Variants in SARDH observed in about 807,000 individuals in gnomAD.
The protein encoded by SARDH is sarcosine dehydrogenase.
SARDH carries 95 observed loss-of-function variants against 109.1 expected under a neutral mutation model. That is an observed-to-expected ratio of 0.87 (90% CI 0.74 to 1.03). SARDH has a LOEUF of 1.03. SARDH is among the 50% of genes least tolerant of loss of function. SARDH has a pLI of 0.00. For synonymous variants in SARDH, 572 were observed against 534.8 expected, an observed-to-expected ratio of 1.07 and a Z score of -0.96; for missense variants, 1,267 against 1,287.8, an observed-to-expected ratio of 0.98 and a Z score of 0.25.
intron 17 of SARDH, among the ~76,000 whole-genome samples, chr9:133,681,637 G>A (rs1013903732): frequency 6.6e-6 from 1 of 152,194 alleles, no homozygotes; most frequent in Non-Finnish European, 1.5e-5. Flanking sequence ...AGAGTCTCTC[G>A]AGCGCTAGTG....
chr9:133,669,504 CCT>C (rs1830259531), intron 19 of SARDH, among the ~76,000 whole-genome samples: 1 of 151,534 alleles, frequency 6.6e-6, no homozygotes, highest in Non-Finnish European at 1.5e-5. Flanking sequence ...CACGGGAGGG[CCT>C]CTGATCAGGG....
At chr9:133,698,902 T>C (rs1057452573) in intron 13 of SARDH, among the ~76,000 whole-genome samples, 9 of 151,950 alleles carry the variant, frequency 5.9e-5, no homozygotes, top group African/African-American at 2.2e-4. Context: ...AACAAAAACA[T>C]AGAGATGAAT....
chr9:133,678,123 G>A (rs34478209), intron 17 of SARDH, among the ~76,000 whole-genome samples: 2 of 152,174 alleles, frequency 1.3e-5, no homozygotes, highest in Non-Finnish European at 2.9e-5. Flanking sequence ...ATTCCATTCA[G>A]GCCACTTAGG....
intron 13 of SARDH, among the ~76,000 whole-genome samples, chr9:133,699,344 T>C (rs1831399007): frequency 2.6e-5 from 4 of 152,086 alleles, no homozygotes; most frequent in Admixed American, 6.5e-5. Context: ...CCATCTCTAC[T>C]ACAAATACAA....
At chr9:133,737,494 G>T (rs141914328) in intron 1 of SARDH, among the ~76,000 whole-genome samples, 79 of 152,324 alleles carry the variant, frequency 5.2e-4, no homozygotes, top group African/African-American at 1.8e-3. Flanking sequence ...CCCCACCAGG[G>T]GAAAGCCAGC....
At chr9:133,735,285 G>C (rs1036172989) in intron 1 of SARDH, among the ~76,000 whole-genome samples, 1 of 152,184 alleles carries the variant, frequency 6.6e-6, no homozygotes, top group Non-Finnish European at 1.5e-5. Flanking sequence ...GGGGCCACCT[G>C]GGATTGCAGA....
At chr9:133,730,461 A>AC (rs1325480034) in intron 4 of SARDH, among the ~76,000 whole-genome samples, 1 of 35,810 alleles carries the variant, frequency 2.8e-5, no homozygotes, top group Non-Finnish European at 8.3e-5. Flanking sequence ...AAAGTAGCTG[A>AC]CTTTTTTTTA....
rs746217416 is a variant in SARDH at position 133,670,746 on chromosome 9, C to T, written c.2333G>A (p.Arg778Gln). ...IDSLSIEKGY[R>Q]HWHADLRPDD... Reference sequence around the variant, plus strand: ...TGGCCGCAGGTCCGCGTGCCAGTGCCGGTAGCCTGTGGGAAGGGAATCCAT... The same window carrying T: ...TGGCCGCAGGTCCGCGTGCCAGTGCTGGTAGCCTGTGGGAAGGGAATCCAT... The change falls in exon 19 of 21, where the codon CGG becomes CAG. Residue 778 changes from arginine to glutamine, a missense_variant. Arg to Gln is a conservative substitution (Grantham distance 43, BLOSUM62 1). Transcript: ENST00000439388. 5.2e-5 allele frequency: 82 copies of T among 1,573,502 alleles called. No individual in the cohort carries two copies. Among genetic ancestry groups the T allele is most frequent in the Non-Finnish European group, 6.9e-5 (80 of 1,161,562 alleles).
chr9:133,676,720 C>A (rs887302897), intron 17 of SARDH, among the ~76,000 whole-genome samples: 1 of 152,140 alleles, frequency 6.6e-6, no homozygotes, highest in Admixed American at 6.5e-5. Flanking sequence ...GGGGGAAAGG[C>A]GGTACTTAAA....
In SARDH at chr9:133,734,883, C is replaced by G. The variant is rs186011091; in HGVS notation, c.-30-680G>C. ...CTCAAGATGCTCCTGAGGGGCCAAG[C>G]AGCCCTGCTGCCCCACAGGTCTGTG... On this transcript the variant is annotated intron_variant, in intron 1 of 20. Coordinates refer to ENST00000439388, the MANE Select transcript of SARDH (RefSeq NM_001134707.2). Among the ~76,000 whole-genome samples the G allele has an allele frequency of 9.2e-5, 14 of 152,324 alleles. No homozygotes were observed. In the East Asian group the frequency reaches 2.5e-3, roughly 27 times the overall value.
At chr9:133,698,745 C>T (rs577812367) in intron 13 of SARDH, among the ~76,000 whole-genome samples, 4 of 152,190 alleles carry the variant, frequency 2.6e-5, no homozygotes, top group South Asian at 2.1e-4. Context: ...TGGCTGGACC[C>T]GACCTCACGC....
chr9:133,667,140 G>A (rs934698455), intron 19 of SARDH: 19 of 545,334 alleles, frequency 3.5e-5, no homozygotes, highest in South Asian at 2.3e-4. Context: ...AGCGAGCCCC[G>A]TATATTTGGG....
In SARDH at chr9:133,718,604, G is replaced by A; in HGVS notation, c.1020+334C>T. The stretch of plus-strand genomic sequence containing the variant: ...CCAGGCCAGGGGAAATGCCGCTGCA[G>A]CAGCTGGTTGGGAGGGCAGTGTCAT... On this transcript the variant is annotated intron_variant, in intron 7 of 20. Coordinates refer to ENST00000439388, the MANE Select transcript of SARDH (RefSeq NM_001134707.2). This position sits in a 1 kb window ranked among gnomAD's most constrained non-coding sequence, Gnocchi z 4.2. The A allele has an allele frequency of 2.6e-6, 2 of 767,926 alleles. No individual in the cohort carries two copies. Among genetic ancestry groups the A allele is most frequent in the Non-Finnish European group, 4.8e-6 (2 of 413,562 alleles). The allele number at this position is 767,926 out of a possible 1,614,324, so 47.6% of individuals were successfully genotyped here. A position where few individuals can be genotyped will look rare whatever the true frequency, so the allele number is the denominator to read the frequency against.
intron 2 of SARDH, 125 bp from the exon 3 acceptor site, chr9:133,732,726 C>A (rs1832732553): frequency 1.4e-5 from 15 of 1,110,238 alleles, no homozygotes; most frequent in Non-Finnish European, 1.8e-5. Flanking sequence ...TCTTTCTCTG[C>A]AGGACCTGGG....
intron 19 of SARDH, among the ~76,000 whole-genome samples, chr9:133,669,505 C>A (rs1280334357): frequency 2.6e-5 from 4 of 151,548 alleles, no homozygotes; most frequent in Non-Finnish European, 5.9e-5. Flanking sequence ...ACGGGAGGGC[C>A]TCTGATCAGG....
chr9:133,711,036 A>G (rs1483818502), intron 10 of SARDH, among the ~76,000 whole-genome samples: 1 of 152,206 alleles, frequency 6.6e-6, no homozygotes, highest in Non-Finnish European at 1.5e-5. Flanking sequence ...AGAGCAGCCC[A>G]TGGCACACTC....
chr9:133,729,656 G>A (rs1037942898), intron 6 of SARDH, 109 bp downstream of exon 6: 24 of 838,596 alleles, frequency 2.9e-5, no homozygotes, highest in Middle Eastern at 2.6e-4. Flanking sequence ...GAGGCTTGGG[G>A]CAGTGAGGGG....
At chr9:133,675,178 C>T (rs1830474364) in intron 17 of SARDH, among the ~76,000 whole-genome samples, 1 of 151,786 alleles carries the variant, frequency 6.6e-6, no homozygotes, top group Admixed American at 6.6e-5. Flanking sequence ...ACCCTGTTTC[C>T]ATTAAAAATA....
chr9:133,681,745 C>T lies in SARDH; in HGVS notation c.2163+3448G>A, dbSNP rs1180939885. Among the ~76,000 whole-genome samples the T allele has an allele frequency of 5.3e-5, 8 of 152,328 alleles. No homozygotes were observed. In the South Asian group the frequency reaches 1.4e-3, roughly 28 times the overall value. ...GTCCCAGTGGCCCTACGTGAGCTGA[C>T]GGTGCTGGGAGGTACACCATGGATA... On this transcript the variant is annotated intron_variant, in intron 17 of 20. Coordinates refer to ENST00000439388, the MANE Select transcript of SARDH (RefSeq NM_001134707.2).
Sources: allele counts gnomAD v4.1 joint callset (sites outside exome capture counted in the v4.1 genomes callset), GRCh38; gene constraint gnomAD v4.1.1; non-coding constraint Gnocchi (gnomAD v3.1); transcripts MANE v1.5; gene names NCBI Gene and HGNC (gene_info 2026-07-23, HGNC 2026-07-21).